Variants in RRM2 observed in about 807,000 individuals in gnomAD.
The protein encoded by RRM2 is ribonucleotide reductase regulatory subunit M2.
A neutral mutation model predicts 45.9 loss-of-function variants in RRM2; 6 were observed. That is an observed-to-expected ratio of 0.13 (90% CI 0.07 to 0.26). The LOEUF is 0.26. RRM2 is among the 10% of genes least tolerant of loss of function. The pLI is 1.00. For synonymous variants in RRM2, 177 were observed against 173.0 expected, an observed-to-expected ratio of 1.02 and a Z score of -0.18; for missense variants, 343 against 489.5, an observed-to-expected ratio of 0.70 and a Z score of 2.82.
intron 3 of RRM2, among the ~76,000 whole-genome samples, chr2:10,147,185 G>A (rs931992506): frequency 2.6e-5 from 4 of 152,144 alleles, no homozygotes; most frequent in African/African-American, 7.2e-5. Flanking sequence ...TCTCTCGACC[G>A]CGTGATCTGC....
At chr2:10,140,947 C>G (rs1239378759), upstream of RRM2, among the ~76,000 whole-genome samples, 7 of 152,162 alleles carry the variant, frequency 4.6e-5, no homozygotes, top group African/African-American at 1.4e-4. Context: ...ACCCTGAGCT[C>G]TGGACCAGGG....
Position 10,181,827 on chromosome 2 carries a change from C to T in RRM2, n.483-28484C>T, listed in dbSNP as rs190404548. Among the ~76,000 whole-genome samples the T allele has an allele frequency of 1.7e-3, 226 of 129,842 alleles. 3 individuals carry two copies. The highest frequency in any genetic ancestry group is 0.013 in the Admixed American group (138 of 10,642). The allele number at this position is 129,842 out of a possible 152,430, so 85.2% of individuals were successfully genotyped here. A position where few individuals can be genotyped will look rare whatever the true frequency, so the allele number is the denominator to read the frequency against. ...TCACTCAGGCTGGAGTGCAGTGTTGCGATCATGGCTCACTGCAGCCTTGAC... is the reference window on the plus strand; with the variant it reads ...TCACTCAGGCTGGAGTGCAGTGTTGTGATCATGGCTCACTGCAGCCTTGAC... On this transcript the variant is annotated intron_variant and non_coding_transcript_variant, in intron 3 of 3. Coordinates refer to the RRM2 transcript ENST00000381786.
At chr2:10,164,382 T>C (rs1663637962) in intron 3 of RRM2, among the ~76,000 whole-genome samples, 1 of 152,150 alleles carries the variant, frequency 6.6e-6, no homozygotes, top group Non-Finnish European at 1.5e-5. Context: ...CTTAATACAC[T>C]TGGAAGCCTC....
At chr2:10,197,071 C>T (rs1224007184) in intron 3 of RRM2, among the ~76,000 whole-genome samples, 1 of 152,234 alleles carries the variant, frequency 6.6e-6, no homozygotes, top group Non-Finnish European at 1.5e-5. Flanking sequence ...TTGGCCCGTG[C>T]CTCTGCCCCT....
At position 10,127,347 on chromosome 2, in the gene RRM2, A is replaced by G; in HGVS notation, c.798+127A>G. 6.8e-6 allele frequency: 6 copies of G among 878,832 alleles called. No individual in the cohort carries two copies. In the South Asian group the frequency reaches 1.0e-4, roughly 15 times the overall value. 54.4% of individuals were successfully genotyped at this position (878,832 alleles called of 1,614,324 possible). Reference sequence around the variant, plus strand: ...CCACATTTAATGTGTGAGTTCAACCATACACATACTTGACAAAAGAAGGAA... The same window carrying G: ...CCACATTTAATGTGTGAGTTCAACCGTACACATACTTGACAAAAGAAGGAA... On this transcript the variant is annotated intron_variant, in intron 7 of 9. Coordinates refer to ENST00000304567, the MANE Select transcript of RRM2 (RefSeq NM_001034.4). This position sits in a 1 kb window ranked among gnomAD's most constrained non-coding sequence, Gnocchi z 4.1.
intron 3 of RRM2, among the ~76,000 whole-genome samples, chr2:10,143,347 C>G (rs1663123861): frequency 6.6e-6 from 1 of 152,232 alleles, no homozygotes; most frequent in Non-Finnish European, 1.5e-5. Flanking sequence ...GGGGCCTCCT[C>G]AGAGCCCTCA....
At chr2:10,148,143 C>CAAAAAAAAAAAAAAAAAAAAAAAAAA (rs374826185) in intron 3 of RRM2, among the ~76,000 whole-genome samples, 1 of 119,566 alleles carries the variant, frequency 8.4e-6, no homozygotes, top group Non-Finnish European at 1.7e-5. Context: ...GACCCTGACT[C>CAAAAAAAAAAAAAAAAAAAAAAAAAA]AAAAAAAAAA....
intron 3 of RRM2, among the ~76,000 whole-genome samples, chr2:10,189,259 C>T (rs1363411462): frequency 6.6e-6 from 1 of 152,246 alleles, no homozygotes; most frequent in Non-Finnish European, 1.5e-5. Context: ...GGCCCCTGCT[C>T]TTCAGGGGAG....
intron 3 of RRM2, among the ~76,000 whole-genome samples, chr2:10,161,884 C>T (rs973104285): frequency 6.6e-6 from 1 of 152,220 alleles, no homozygotes; most frequent in Non-Finnish European, 1.5e-5. Flanking sequence ...ACTGCTCTGA[C>T]TTGGAAGCCC....
chr2:10,204,215 A>G lies in RRM2; in HGVS notation n.483-6096A>G, dbSNP rs141870170. On this transcript the variant is annotated intron_variant and non_coding_transcript_variant, in intron 3 of 3. Transcript: ENST00000381786. The surrounding 1 kb of genome is among the most constrained non-coding windows in gnomAD (Gnocchi z 4.0). ...GGGGCCTGGCTTCGTCCAACAGCAG[A>G]GCCCAACCTCCAGGGCAGACTGACC... is the stretch of plus-strand genomic sequence containing the variant. Among the ~76,000 whole-genome samples, 722 of 152,202 alleles carry G rather than the reference A, an allele frequency of 4.7e-3. 8 individuals carry two copies. The highest frequency in any genetic ancestry group is 0.016 in the African/African-American group (675 of 41,550).
rs756710024 is a variant in RRM2 at position 10,129,418 on chromosome 2, T to TC, written c.*32_*33insC. 2 of 1,456,810 alleles carry TC rather than the reference T, an allele frequency of 1.4e-6. No individual in the cohort carries two copies. Among genetic ancestry groups the TC allele is most frequent in the Non-Finnish European group, 1.8e-6 (2 of 1,081,706 alleles). 90.2% of individuals were successfully genotyped at this position (1,456,810 alleles called of 1,614,324 possible). A position where few individuals can be genotyped will look rare whatever the true frequency, so the allele number is the denominator to read the frequency against. ...TGAAGATGTGCCCTTACTTGGCTGA[T>TC]TTTTTTTTTCCATCTCATAAGAAAA... On this transcript the variant is annotated 3_prime_UTR_variant, in exon 10 of 10. Transcript: ENST00000304567. The surrounding 1 kb of genome is among the most constrained non-coding windows in gnomAD (Gnocchi z 4.8).
rs532374245 is a variant in RRM2 at position 10,210,709 on chromosome 2, G to C, written n.881G>C. The C allele has an allele frequency of 2.2e-5, 22 of 991,172 alleles. 1 individual carries two copies. The African/African-American group carries it at 2.8e-4, about 13-fold the overall frequency. 61.4% of individuals were successfully genotyped at this position (991,172 alleles called of 1,614,324 possible). A position where few individuals can be genotyped will look rare whatever the true frequency, so the allele number is the denominator to read the frequency against. On this transcript the variant is annotated non_coding_transcript_exon_variant, in exon 4 of 4. Transcript: ENST00000381786. ...AGGGTGGGAAACTGGGGTGATGTGA[G>C]CCCACAGGGTGGAGCACTGTGGACT...
intron 3 of RRM2, among the ~76,000 whole-genome samples, chr2:10,189,348 G>A (rs1664236336): frequency 6.6e-6 from 1 of 152,232 alleles, no homozygotes; most frequent in Non-Finnish European, 1.5e-5. Context: ...CTGCCCCGGA[G>A]GAGACAGGAA....
At chr2:10,164,027 CATGAGT>C (rs1685574506) in intron 3 of RRM2, among the ~76,000 whole-genome samples, 1 of 146,520 alleles carries the variant, frequency 6.8e-6, no homozygotes, top group Non-Finnish European at 1.5e-5. Context: ...TGTGTGTGTG[CATGAGT>C]GTGAGTGTGA....
intron 3 of RRM2, among the ~76,000 whole-genome samples, chr2:10,202,110 T>C (rs1200756980): frequency 6.6e-6 from 1 of 152,224 alleles, no homozygotes; most frequent in Non-Finnish European, 1.5e-5. Flanking sequence ...ACAGAAAAAC[T>C]GGAGGATACC....
chr2:10,142,550 G>GA (rs1663107138), intron 3 of RRM2, among the ~76,000 whole-genome samples: 1 of 74 alleles, frequency 0.014, no homozygotes, highest in Non-Finnish European at 0.024. Context: ...CCAGGCGGGG[G>GA]AGCTTCGCCC....
At chr2:10,148,012 C>T (rs1281840078) in intron 3 of RRM2, among the ~76,000 whole-genome samples, 1 of 151,884 alleles carries the variant, frequency 6.6e-6, no homozygotes, top group Admixed American at 6.6e-5. Flanking sequence ...GGCGTAGTGG[C>T]AGGCGCCTGT....
At chr2:10,124,023 G>A (rs1662728450) in intron 4 of RRM2, 171 bp downstream of exon 4, 2 of 630,850 alleles carry the variant, frequency 3.2e-6, no homozygotes, top group Admixed American at 5.5e-5. Context: ...TCTTTCTTAT[G>A]GTATTTTCCC....
At chr2:10,123,898 A>T in intron 4 of RRM2, 46 bp downstream of exon 4, 2 of 1,051,588 alleles carry the variant, frequency 1.9e-6, no homozygotes, top group Non-Finnish European at 3.0e-6. Flanking sequence ...TGACGATCTG[A>T]GGTCGAACTA....
Sources: gnomAD v4.1 joint callset for allele counts (sites outside exome capture counted in the v4.1 genomes callset) on GRCh38, gnomAD v4.1.1 for gene constraint, Gnocchi (gnomAD v3.1) non-coding constraint, MANE v1.5 for transcripts, NCBI Gene and HGNC (gene_info 2026-07-23, HGNC 2026-07-21) for gene names.